MAP3K5: variants seen among roughly 807,000 people sequenced by gnomAD.
MAP3K5 encodes ASK-1.
In MAP3K5, 56 loss-of-function variants were observed where a neutral mutation model predicts 158.7. The observed-to-expected ratio is 0.35, with a 90% CI of 0.28 to 0.44. The LOEUF (loss-of-function observed/expected upper bound fraction) is 0.44, where lower values mean the gene tolerates loss of function less well. Among genes scored for constraint, MAP3K5 ranks in the 20% least tolerant of loss-of-function variants. The pLI is 1.00. For synonymous variants in MAP3K5, 579 were observed against 601.7 expected (o/e 0.96, Z 0.55); for missense variants, 1,294 against 1,674.8 (o/e 0.77, Z 3.97).
At chr6:136,705,843 G>A (rs1450814984) in intron 2 of MAP3K5, among the ~76,000 whole-genome samples, 1 of 152,182 alleles carries the variant, frequency 6.6e-6, no homozygotes, top group Non-Finnish European at 1.5e-5. Context: ...GGAAAAAACA[G>A]TGTGTTACAT....
At chr6:136,617,970 T>C (rs575875533) in intron 15 of MAP3K5, among the ~76,000 whole-genome samples, 46 of 152,170 alleles carry the variant, frequency 3.0e-4, no homozygotes, top group African/African-American at 9.1e-4. Flanking sequence ...GTTCAGGATA[T>C]GTAGAATATC....
intron 21 of MAP3K5, among the ~76,000 whole-genome samples, chr6:136,596,462 T>C (rs1334937736): frequency 6.6e-6 from 1 of 152,012 alleles, no homozygotes. Context: ...CTGGAGACAC[T>C]GTACTTCAAG....
chr6:136,692,070 TC>T (rs1170491822), intron 7 of MAP3K5, among the ~76,000 whole-genome samples: 4 of 151,254 alleles, frequency 2.6e-5, no homozygotes, highest in African/African-American at 9.8e-5. Flanking sequence ...TTCTTTTTTT[TC>T]TTTTTTTCTT....
chr6:136,671,386 C>A (rs1779476893), intron 7 of MAP3K5, among the ~76,000 whole-genome samples: 1 of 152,086 alleles, frequency 6.6e-6, no homozygotes, highest in South Asian at 2.1e-4. Flanking sequence ...TCACATTTTT[C>A]TTGAGCTCCC....
chr6:136,692,240 T>C (rs1030530471), intron 7 of MAP3K5, among the ~76,000 whole-genome samples: 3 of 152,146 alleles, frequency 2.0e-5, no homozygotes, highest in African/African-American at 7.2e-5. Flanking sequence ...TTAGACATTT[T>C]GGATGATAAG....
intron 7 of MAP3K5, among the ~76,000 whole-genome samples, chr6:136,675,092 G>C (rs1185337799): frequency 6.6e-6 from 1 of 151,364 alleles, no homozygotes; most frequent in Admixed American, 6.6e-5. Flanking sequence ...ATTATTATAA[G>C]AGAAAAAAGG....
chr6:136,680,787 T>C (rs1002536137), intron 7 of MAP3K5, among the ~76,000 whole-genome samples: 68 of 152,226 alleles, frequency 4.5e-4, no homozygotes, highest in Non-Finnish European at 2.1e-4. Context: ...ACACTTACTC[T>C]TGCAATAACT....
intron 1 of MAP3K5, among the ~76,000 whole-genome samples, chr6:136,737,037 G>GTATATA (rs56011325): frequency 3.7e-4 from 47 of 126,968 alleles, no homozygotes; most frequent in African/African-American, 1.7e-3. Flanking sequence ...ATATGTGTGT[G>GTATATA]TATATATATA....
intron 1 of MAP3K5, among the ~76,000 whole-genome samples, chr6:136,742,253 A>G (rs1419529716): frequency 2.0e-5 from 3 of 152,204 alleles, no homozygotes; most frequent in African/African-American, 7.2e-5. Context: ...CTCTATAACA[A>G]GACAGTGTGG....
intron 5 of MAP3K5, 91 bp from the exon 6 acceptor site, chr6:136,696,148 C>G: frequency 1.5e-6 from 1 of 676,616 alleles, no homozygotes; most frequent in Non-Finnish European, 2.6e-6. Flanking sequence ...TATCTGAATT[C>G]AAGAAACACA....
intron 7 of MAP3K5, among the ~76,000 whole-genome samples, chr6:136,673,414 CA>C (rs1463400362): frequency 6.6e-6 from 1 of 152,078 alleles, no homozygotes; most frequent in Non-Finnish European, 1.5e-5. Context: ...CAAACACACA[CA>C]AAAGCTGACC....
intron 18 of MAP3K5, among the ~76,000 whole-genome samples, chr6:136,608,211 C>T (rs554380388): frequency 4.0e-5 from 6 of 151,854 alleles, no homozygotes; most frequent in Admixed American, 2.0e-4. Context: ...GAACAGACTC[C>T]GAATCAGGTC....
intron 14 of MAP3K5, among the ~76,000 whole-genome samples, chr6:136,632,096 G>A (rs1490513366): frequency 1.3e-5 from 2 of 152,188 alleles, no homozygotes; most frequent in East Asian, 3.8e-4. Context: ...CAAGCCCAGA[G>A]GCCGGAGAAG....
chr6:136,602,660 G>C (rs1487687344), intron 19 of MAP3K5, among the ~76,000 whole-genome samples: 1 of 152,070 alleles, frequency 6.6e-6, no homozygotes, highest in Non-Finnish European at 1.5e-5. Context: ...ATTGTGCTGG[G>C]GTTTCTCCAC....
At position 136,792,393 on chromosome 6, in the gene MAP3K5, A is replaced by G; in HGVS notation, c.-236T>C. Reference sequence around the variant, plus strand: ...CGTGGCCGCGCCGCTCGCCCTCTGCAGAGTTTAGAGTACAAGGGGTGGGGA... The same window carrying G: ...CGTGGCCGCGCCGCTCGCCCTCTGCGGAGTTTAGAGTACAAGGGGTGGGGA... On this transcript the variant is annotated 5_prime_UTR_variant, in exon 1 of 30. Transcript: ENST00000359015. This position sits in a 1 kb window ranked among gnomAD's most constrained non-coding sequence, Gnocchi z 5.7. 1.0e-6 allele frequency: 1 copy of G among 992,458 alleles called. No individual in the cohort carries two copies. The highest frequency in any genetic ancestry group is 1.2e-6 in the Non-Finnish European group (1 of 835,810). The allele number at this position is 992,458 out of a possible 1,614,324, so 61.5% of individuals were successfully genotyped here.
Position 136,656,478 on chromosome 6 carries a change from T to C in MAP3K5, c.1527-18A>G, listed in dbSNP as rs2076261. On this transcript the variant is annotated intron_variant, in intron 9 of 29. Coordinates refer to ENST00000359015, the MANE Select transcript of MAP3K5 (RefSeq NM_005923.4). Reference sequence around the variant, plus strand: ...TGAGGTACCTGAGAAGGAAAAGATATAAAACATGTAACAGACAAATTTAGA... The same window carrying C: ...TGAGGTACCTGAGAAGGAAAAGATACAAAACATGTAACAGACAAATTTAGA... 1.3e-3 allele frequency: 2,014 copies of C among 1,514,646 alleles called. 22 individuals are homozygous for C. The East Asian group carries it at 0.024, about 18-fold the overall frequency. The allele number at this position is 1,514,646 out of a possible 1,614,324, so 93.8% of individuals were successfully genotyped here.
At chr6:136,671,842 T>C (rs1583390988) in intron 7 of MAP3K5, among the ~76,000 whole-genome samples, 1 of 151,734 alleles carries the variant, frequency 6.6e-6, no homozygotes, top group Non-Finnish European at 1.5e-5. Flanking sequence ...GTCAGGCTGG[T>C]CTCGAACTCC....
intron 1 of MAP3K5, among the ~76,000 whole-genome samples, chr6:136,779,988 AG>A (rs1211408544): frequency 2.6e-5 from 4 of 152,246 alleles, no homozygotes; most frequent in Non-Finnish European, 4.4e-5. Flanking sequence ...TTGAGTTAAA[AG>A]CACTTGGAGA....
At chr6:136,735,590 C>T (rs760982053) in intron 1 of MAP3K5, among the ~76,000 whole-genome samples, 3 of 151,988 alleles carry the variant, frequency 2.0e-5, no homozygotes, top group African/African-American at 7.3e-5. Flanking sequence ...CAGCACTTTG[C>T]GAGGCTGAGG....
Sources: allele counts gnomAD v4.1 joint callset (sites outside exome capture counted in the v4.1 genomes callset), GRCh38; gene constraint gnomAD v4.1.1; non-coding constraint Gnocchi (gnomAD v3.1); transcripts MANE v1.5; gene names NCBI Gene and HGNC (gene_info 2026-07-23, HGNC 2026-07-21).